ZFHX3: variants seen among roughly 807,000 people sequenced by gnomAD.
ZFHX3 encodes the protein zinc finger homeobox 3.
A neutral mutation model predicts 279.1 loss-of-function variants in ZFHX3; 42 were observed. The ratio of observed to expected loss-of-function variants is 0.15; its 90% CI spans 0.12 to 0.19. The LOEUF (loss-of-function observed/expected upper bound fraction) is 0.19, where lower values mean the gene tolerates loss of function less well. ZFHX3 is among the 10% of genes least tolerant of loss of function. ZFHX3 has a pLI of 1.00. For missense variants in ZFHX3, 4,981 were observed against 4,754.0 expected, an observed-to-expected ratio of 1.05 and a Z score of -1.40; for synonymous variants, 2,293 against 1,957.8, an observed-to-expected ratio of 1.17 and a Z score of -4.52.
chr16:73,850,456 C>A lies in ZFHX3; in HGVS notation c.-1608+41195G>T, dbSNP rs181536204. Among the ~76,000 whole-genome samples the A allele has an allele frequency of 1.2e-3, 177 of 152,178 alleles. 2 individuals are homozygous for A. Among genetic ancestry groups the A allele is most frequent in the African/African-American group, 3.8e-3 (157 of 41,500 alleles). ...TGAGTCTGTCTCATGTCTGATTTCA[C>A]AGAAACAACTTTGAGATGGGGATTC... is the stretch of plus-strand genomic sequence containing the variant. On this transcript the variant is annotated intron_variant, in intron 1 of 17. Coordinates refer to the ZFHX3 transcript ENST00000641206.
chr16:73,680,023 C>A (rs994870905), intron 2 of ZFHX3: 1 of 152,140 alleles, frequency 6.6e-6, no homozygotes, highest in Admixed American at 6.6e-5. Flanking sequence ...GCCATTAACG[C>A]GTAAGTTCCT....
At chr16:73,274,265 A>T (rs2014234198) in intron 4 of ZFHX3, among the ~76,000 whole-genome samples, 1 of 152,078 alleles carries the variant, frequency 6.6e-6, no homozygotes, top group Non-Finnish European at 1.5e-5. Flanking sequence ...AAACTTTTGC[A>T]TTTTTTCCAA....
At chr16:72,929,366 C>T (rs762637890) in intron 3 of ZFHX3, among the ~76,000 whole-genome samples, 11 of 152,050 alleles carry the variant, frequency 7.2e-5, no homozygotes, top group Non-Finnish European at 1.0e-4. Flanking sequence ...GAGGTCCACC[C>T]GGGGGTGAGG....
intron 3 of ZFHX3, among the ~76,000 whole-genome samples, chr16:72,894,731 C>A (rs1415224288): frequency 1.3e-5 from 2 of 152,182 alleles, no homozygotes; most frequent in African/African-American, 4.8e-5. Flanking sequence ...TCCACCAAGG[C>A]ACAAATCCCA....
intron 3 of ZFHX3, among the ~76,000 whole-genome samples, chr16:73,325,286 AG>A (rs1567450990): frequency 1.3e-5 from 2 of 152,320 alleles, no homozygotes; most frequent in African/African-American, 4.8e-5. Context: ...ACTATGGCCC[AG>A]GCATGTGGTT....
At chr16:73,792,730 C>T (rs1433382930) in intron 1 of ZFHX3, among the ~76,000 whole-genome samples, 1 of 152,024 alleles carries the variant, frequency 6.6e-6, no homozygotes, top group African/African-American at 2.4e-5. Flanking sequence ...AAGGTGAAAA[C>T]GGTTGTTCGA....
chr16:73,253,797 C>G (rs1174163258), intron 5 of ZFHX3, among the ~76,000 whole-genome samples: 3 of 152,038 alleles, frequency 2.0e-5, no homozygotes, highest in Non-Finnish European at 4.4e-5. Context: ...AGGCAAGGAG[C>G]AGAGACAGAA....
At chr16:73,176,605 TCTC>T (rs1302196987) in intron 5 of ZFHX3, among the ~76,000 whole-genome samples, 1 of 145,648 alleles carries the variant, frequency 6.9e-6, no homozygotes, top group Non-Finnish European at 1.5e-5. Flanking sequence ...TTCTTCTTCT[TCTC>T]CTTTTTTTTT....
intron 1 of ZFHX3, among the ~76,000 whole-genome samples, chr16:73,005,209 T>C (rs1963659973): frequency 6.6e-6 from 1 of 152,234 alleles, no homozygotes; most frequent in African/African-American, 2.4e-5. Context: ...TCATATAAAG[T>C]CTTGGTCTGG....
chr16:73,690,032 C>T (rs377623267), intron 1 of ZFHX3, among the ~76,000 whole-genome samples: 318 of 152,262 alleles, frequency 2.1e-3, no homozygotes, highest in African/African-American at 7.4e-3. Context: ...TGCCCTGCCT[C>T]AGCCTCCTGA....
chr16:73,771,117 G>C (rs888537275), intron 1 of ZFHX3, among the ~76,000 whole-genome samples: 3 of 152,144 alleles, frequency 2.0e-5, no homozygotes, highest in African/African-American at 7.2e-5. Flanking sequence ...CTAGAGACTG[G>C]GGTGATGACG....
intron 2 of ZFHX3, among the ~76,000 whole-genome samples, chr16:73,574,421 G>T (rs2051777679): frequency 6.6e-6 from 1 of 152,148 alleles, no homozygotes; most frequent in African/African-American, 2.4e-5. Flanking sequence ...CCTTAGTTTG[G>T]AAGCCTTAGC....
At chr16:72,952,854 C>G (rs1384117939) in intron 2 of ZFHX3, among the ~76,000 whole-genome samples, 3 of 152,164 alleles carry the variant, frequency 2.0e-5, no homozygotes, top group African/African-American at 7.2e-5. Flanking sequence ...TACGGTCAAG[C>G]AGAAGGCTGG....
chr16:73,606,993 A>AAACAACAACAAC (rs58670861), intron 2 of ZFHX3, among the ~76,000 whole-genome samples: 7,735 of 151,450 alleles, frequency 0.051, 294 homozygotes, highest in African/African-American at 0.11. Context: ...ACAAACAAAC[A>AAACAACAACAAC]AACAACAACA....
intron 1 of ZFHX3, among the ~76,000 whole-genome samples, chr16:72,971,220 T>C (rs986393773): frequency 1.3e-5 from 2 of 152,234 alleles, no homozygotes; most frequent in Admixed American, 1.3e-4. Context: ...TTGCATAATT[T>C]CCACCAAATG....
chr16:73,495,767 C>A (rs1383823637), intron 2 of ZFHX3, among the ~76,000 whole-genome samples: 6 of 152,152 alleles, frequency 3.9e-5, no homozygotes, highest in Non-Finnish European at 8.8e-5. Context: ...CAAAGATGGA[C>A]CAAATGGCTT....
At position 72,795,410 on chromosome 16, in the gene ZFHX3, C is replaced by T. The variant is rs2035870324; in HGVS notation, c.7272G>A (p.Glu2424=). ...EELATFNSKT[E]AGDEKPKLAE... is the part of the protein sequence containing the mutation. Reference sequence around the variant, plus strand: ...CCAGCTTTGGTTTCTCATCGCCTGCCTCTGTTTTTGAATTGAAGGTGGCCA... The same window carrying T: ...CCAGCTTTGGTTTCTCATCGCCTGCTTCTGTTTTTGAATTGAAGGTGGCCA... Residue 2424 remains glutamate (E), a synonymous_variant, in exon 9 of 10, where the codon GAG becomes GAA. Transcript: ENST00000268489. The T allele has an allele frequency of 6.2e-7, 1 of 1,613,996 alleles. No homozygotes were observed. The highest frequency in any genetic ancestry group is 8.5e-7 in the Non-Finnish European group (1 of 1,180,048).
In ZFHX3 at chr16:73,433,089, G is replaced by T. The variant is rs552290180; in HGVS notation, c.-1291+22914C>A. ...TCCCTGGCTTTCTCTCCTGGCTGGG[G>T]GGATGGAAGGGACAGGCAGGACTAT... On this transcript the variant is annotated intron_variant, in intron 3 of 17. Transcript: ENST00000641206. Among the ~76,000 whole-genome samples, 5 of 152,330 alleles carry T rather than the reference G, an allele frequency of 3.3e-5. No homozygotes were observed. The East Asian group carries it at 9.6e-4, about 29-fold the overall frequency.
At chr16:73,065,952 G>T (rs1038850327) in intron 8 of ZFHX3, among the ~76,000 whole-genome samples, 3 of 152,220 alleles carry the variant, frequency 2.0e-5, no homozygotes, top group African/African-American at 7.2e-5. Context: ...CACGAAATTT[G>T]GAGCCCGTAC....
Sources: gnomAD v4.1 joint callset for allele counts (sites outside exome capture counted in the v4.1 genomes callset) on GRCh38, gnomAD v4.1.1 for gene constraint, MANE v1.5 for transcripts, NCBI Gene and HGNC (gene_info 2026-07-23, HGNC 2026-07-21) for gene names.